Variants in CSMD2 observed in about 807,000 individuals in gnomAD.
CSMD2 encodes the protein CUB and sushi domain-containing protein 2.
In CSMD2, 130 loss-of-function variants were observed where a neutral mutation model predicts 398.5. That is an observed-to-expected ratio of 0.33 (90% CI 0.28 to 0.38). The LOEUF is 0.38. Among genes scored for constraint, CSMD2 ranks in the 10% least tolerant of loss-of-function variants. CSMD2 has a pLI of 1.00. For missense variants in CSMD2, 3,829 were observed against 4,764.9 expected, an observed-to-expected ratio of 0.80 and a Z score of 5.78; for synonymous variants, 1,828 against 1,908.5, an observed-to-expected ratio of 0.96 and a Z score of 1.10.
chr1:34,122,409 C>T (rs1422391193), intron 1 of CSMD2, among the ~76,000 whole-genome samples: 1 of 152,090 alleles, frequency 6.6e-6, no homozygotes, highest in African/African-American at 2.4e-5. Flanking sequence ...GGGCTGCGTC[C>T]AAGAGTAGCC....
At chr1:33,838,316 T>C (rs1660516870) in intron 6 of CSMD2, among the ~76,000 whole-genome samples, 1 of 152,258 alleles carries the variant, frequency 6.6e-6, no homozygotes, top group Admixed American at 6.5e-5. Context: ...CTCCTACCTA[T>C]ACTCATCCTT....
chr1:33,947,874 G>C (rs1246636985), intron 3 of CSMD2, among the ~76,000 whole-genome samples: 1 of 152,200 alleles, frequency 6.6e-6, no homozygotes, highest in South Asian at 2.1e-4. Flanking sequence ...TGGATACTGT[G>C]CCCATTGGAC....
rs75765182 is a variant in CSMD2, at chr1:34,105,571, C to T, written c.188-16378G>A. On this transcript the variant is annotated intron_variant, in intron 1 of 70. Transcript: ENST00000373381. ...ATGACCTGAAGTCCTCCATCTTTGT[C>T]GTGCCATGCCCTCCTTGGAGCCTCG... Among the ~76,000 whole-genome samples, 997 of 152,296 alleles carry T rather than the reference C, an allele frequency of 6.5e-3. 11 individuals carry two copies. Among genetic ancestry groups the T allele is most frequent in the East Asian group, 0.05 (261 of 5,178 alleles).
rs145011597 is a variant in CSMD2 at position 34,104,077 on chromosome 1, C to T, written c.188-14884G>A. Among the ~76,000 whole-genome samples the T allele has an allele frequency of 7.0e-4, 106 of 152,306 alleles. No homozygotes were observed. The Middle Eastern group carries it at 0.024, about 34-fold the overall frequency. ...TCAGTACAGAACCTGGCACAGCAAA[C>T]ACCACCTAATCTTTCAGTAAAGATT... On this transcript the variant is annotated intron_variant, in intron 1 of 70. Coordinates refer to ENST00000373381, the MANE Select transcript of CSMD2 (RefSeq NM_001281956.2).
At chr1:33,810,017 A>G (rs1247908380) in intron 10 of CSMD2, among the ~76,000 whole-genome samples, 1 of 152,162 alleles carries the variant, frequency 6.6e-6, no homozygotes, top group Non-Finnish European at 1.5e-5. Flanking sequence ...GAAACCCTAA[A>G]CAAATAGAGA....
chr1:33,734,980 C>T (rs1055705367), intron 15 of CSMD2, among the ~76,000 whole-genome samples: 7 of 152,064 alleles, frequency 4.6e-5, no homozygotes, highest in Admixed American at 3.3e-4. Context: ...TTCATGCTGT[C>T]AATTTCCGAT....
intron 13 of CSMD2, among the ~76,000 whole-genome samples, chr1:33,765,370 T>C (rs1557860355): frequency 6.6e-6 from 1 of 152,280 alleles, no homozygotes; most frequent in Admixed American, 6.5e-5. Context: ...AGTGCTAAGA[T>C]AGAAATAGAG....
chr1:34,163,673 CAAAAAA>C lies in CSMD2; in HGVS notation c.187+1232_187+1237del, dbSNP rs1279181000. Among the ~76,000 whole-genome samples the C allele has an allele frequency of 6.6e-6, 1 of 152,048 alleles. No individual in the cohort carries two copies. The highest frequency in any genetic ancestry group is 2.4e-5 in the African/African-American group (1 of 41,432). ...AAACAAAACAAAACAAAAACAAAAA[CAAAAAA>C]GAAAACACGGCTCCAGGTCGAAGGT... On this transcript the variant is annotated intron_variant, in intron 1 of 70. Coordinates refer to ENST00000373381, the MANE Select transcript of CSMD2 (RefSeq NM_001281956.2). This position sits in a 1 kb window ranked among gnomAD's most constrained non-coding sequence, Gnocchi z 5.4.
At chr1:34,058,799 A>C (rs1654146784) in intron 2 of CSMD2, among the ~76,000 whole-genome samples, 1 of 151,934 alleles carries the variant, frequency 6.6e-6, no homozygotes, top group Admixed American at 6.6e-5. Flanking sequence ...CCTGCTCCCC[A>C]CACCCCAGCC....
At chr1:33,734,468 G>A (rs190740335) in intron 15 of CSMD2, among the ~76,000 whole-genome samples, 2 of 151,974 alleles carry the variant, frequency 1.3e-5, no homozygotes, top group Admixed American at 1.3e-4. Flanking sequence ...GCAACCCTCC[G>A]AGTATTTCTT....
At chr1:33,891,480 A>G (rs1327065221) in intron 5 of CSMD2, among the ~76,000 whole-genome samples, 2 of 151,648 alleles carry the variant, frequency 1.3e-5, no homozygotes, top group East Asian at 3.9e-4. Flanking sequence ...CCACTGTGGA[A>G]GTCAGTGTGG....
intron 25 of CSMD2, among the ~76,000 whole-genome samples, chr1:33,674,164 C>T (rs1240731312): frequency 6.6e-6 from 1 of 151,736 alleles, no homozygotes; most frequent in African/African-American, 2.4e-5. Flanking sequence ...CACAGACTGG[C>T]AAATTGGATA....
intron 1 of CSMD2, among the ~76,000 whole-genome samples, chr1:34,130,389 CAAAAA>C (rs60733725): frequency 1.5e-4 from 9 of 58,494 alleles, no homozygotes; most frequent in East Asian, 5.8e-4. Flanking sequence ...TGTCTGGAGG[CAAAAA>C]AAAAAAAAAA....
chr1:33,690,196 C>T (rs1327463087), intron 25 of CSMD2, among the ~76,000 whole-genome samples: 1 of 152,146 alleles, frequency 6.6e-6, no homozygotes, highest in Admixed American at 6.6e-5. Context: ...CCATGAATGC[C>T]GCCACCCACC....
chr1:33,975,486 T>TACATACACACAC lies in CSMD2; in HGVS notation c.518-39533_518-39532insGTGTGTGTATGT, dbSNP rs1553268752. On this transcript the variant is annotated intron_variant, in intron 3 of 70. Transcript: ENST00000373381. ...CCACAGATCCTCCCTCTCCCAAGTG[T>TACATACACACAC]ACACACACACACACACACACACACA... is the stretch of plus-strand genomic sequence containing the variant. 4.1e-5 allele frequency among the ~76,000 whole-genome samples: 6 copies of TACATACACACAC among 146,466 alleles called. No individual in the cohort carries two copies. The East Asian group carries it at 1.2e-3, about 30-fold the overall frequency.
Position 33,810,748 on chromosome 1 carries a change from A to T in CSMD2, c.1441T>A (p.Ser481Thr). The change falls in exon 10 of 71, where the codon TCC becomes ACC. Residue 481 changes from serine (S) to threonine (T), a missense_variant. Ser to Thr is a moderately conservative substitution (Grantham distance 58, BLOSUM62 1). This residue lies in a region of CSMD2 where 2,001 missense variants were observed against 2,567.1 expected (regional missense o/e 0.78). Coordinates refer to ENST00000373381, the MANE Select transcript of CSMD2 (RefSeq NM_001281956.2). ...CVWIITALNPSKVIKLAFEEF... is the reference protein window; with the variant it reads ...CVWIITALNPTKVIKLAFEEF... Reference sequence around the variant, plus strand: ...CCGCTCCCCAAGAGGCTTACCTTGGAGGGGTTGAGTGCTGTGATGATCCAC... The same window carrying T: ...CCGCTCCCCAAGAGGCTTACCTTGGTGGGGTTGAGTGCTGTGATGATCCAC... 1 of 1,612,806 alleles carries T rather than the reference A, an allele frequency of 6.2e-7. No individual in the cohort carries two copies. The highest frequency in any genetic ancestry group is 8.5e-7 in the Non-Finnish European group (1 of 1,179,516).
At chr1:34,092,593 CG>C (rs753464164) in intron 1 of CSMD2, among the ~76,000 whole-genome samples, 294 of 152,268 alleles carry the variant, frequency 1.9e-3, no homozygotes, top group Non-Finnish European at 3.2e-3. Flanking sequence ...TTGCCTCACT[CG>C]GGACGTGCAA....
At chr1:33,604,832 G>A (rs773186124) in intron 42 of CSMD2, among the ~76,000 whole-genome samples, 1 of 152,138 alleles carries the variant, frequency 6.6e-6, no homozygotes. Context: ...GTATAATGGA[G>A]CAGGGAGGGG....
intron 1 of CSMD2, among the ~76,000 whole-genome samples, chr1:34,129,026 T>C (rs1018289936): frequency 9.1e-5 from 13 of 142,340 alleles, no homozygotes; most frequent in African/African-American, 2.9e-4. Flanking sequence ...CACACACACA[T>C]ATACATTTTG....
Sources: allele counts gnomAD v4.1 joint callset (sites outside exome capture counted in the v4.1 genomes callset), GRCh38; gene constraint gnomAD v4.1.1; regional missense constraint gnomAD v4.1.1; non-coding constraint Gnocchi (gnomAD v3.1); transcripts MANE v1.5; gene names NCBI Gene and HGNC (gene_info 2026-07-23, HGNC 2026-07-21).